Variants in TBCD observed in about 807,000 individuals in gnomAD.
TBCD encodes tubulin-specific chaperone D.
TBCD carries 105 observed loss-of-function variants against 169.3 expected under a neutral mutation model. The ratio of observed to expected loss-of-function variants is 0.62; its 90% CI spans 0.53 to 0.73. The LOEUF (loss-of-function observed/expected upper bound fraction) is 0.73. Ranked by LOEUF, TBCD falls within the 30% of genes least tolerant of loss-of-function variation. The probability of loss-of-function intolerance (pLI) is 0.00; values close to 1 mark genes in which losing one functional copy is unlikely to be tolerated. For missense variants in TBCD, 1,444 were observed against 1,600.1 expected (o/e 0.90, Z 1.66); for synonymous variants, 700 against 643.9 (o/e 1.09, Z -1.32).
Position 82,766,977 on chromosome 17 carries a change from C to G in TBCD, c.435+609C>G, listed in dbSNP as rs2048046527. Among the ~76,000 whole-genome samples the G allele has an allele frequency of 2.6e-5, 4 of 152,326 alleles. No individual in the cohort carries two copies. The South Asian group carries it at 8.3e-4, about 32-fold the overall frequency. ...CACTGGGGTCTGGCCACATGGACAC[C>G]TCTGCCTGGCACGAAACGAAATTCC... On this transcript the variant is annotated intron_variant, in intron 4 of 38. Coordinates refer to ENST00000355528, the MANE Select transcript of TBCD (RefSeq NM_005993.5).
At chr17:82,818,374 G>A (rs1248213735) in intron 13 of TBCD, among the ~76,000 whole-genome samples, 1 of 152,194 alleles carries the variant, frequency 6.6e-6, no homozygotes, top group East Asian at 1.9e-4. Context: ...GACTCAGGAG[G>A]TGACAGGGCT....
intron 13 of TBCD, among the ~76,000 whole-genome samples, chr17:82,843,652 G>A (rs1334780534): frequency 6.9e-6 from 1 of 145,720 alleles, no homozygotes; most frequent in Non-Finnish European, 1.5e-5. Context: ...TCGTCTTGCT[G>A]CATTTCAGGT....
intron 34 of TBCD, chr17:82,932,938 T>C (rs145998648): frequency 3.6e-4 from 217 of 598,506 alleles, no homozygotes; most frequent in African/African-American, 3.4e-3. Context: ...TAATGACATA[T>C]TATGACTGTA....
chr17:82,794,255 A>AG (rs35699085), intron 7 of TBCD, among the ~76,000 whole-genome samples: 31 of 140,688 alleles, frequency 2.2e-4, no homozygotes, highest in African/African-American at 2.9e-4. Context: ...AACATGCCCC[A>AG]GGGGGGGGAA....
At chr17:82,857,761 T>A (rs76839112) in intron 13 of TBCD, among the ~76,000 whole-genome samples, 68 of 149,052 alleles carry the variant, frequency 4.6e-4, no homozygotes, top group Admixed American at 1.9e-3. Flanking sequence ...TTTTTTTTTT[T>A]AATTTAATTT....
Position 82,831,150 on chromosome 17 carries a change from G to C in TBCD, c.1318+16216G>C, listed in dbSNP as rs138391103. On this transcript the variant is annotated intron_variant, in intron 13 of 38. Transcript: ENST00000355528. This position sits in a 1 kb window ranked among gnomAD's most constrained non-coding sequence, Gnocchi z 4.6. ...TTCCCAGTGCGCTGGAGGCTGCCTTGTTGGAGAGGTCGTACAGGCCTTCGC... is the reference window on the plus strand; with the variant it reads ...TTCCCAGTGCGCTGGAGGCTGCCTTCTTGGAGAGGTCGTACAGGCCTTCGC... 1,240 of 1,614,148 alleles carry C rather than the reference G, an allele frequency of 7.7e-4. 32 individuals are homozygous for C. In the East Asian group the frequency reaches 0.021, roughly 27 times the overall value.
intron 5 of TBCD, 149 bp downstream of exon 5, chr17:82,768,715 T>G: frequency 1.1e-6 from 1 of 893,672 alleles, no homozygotes; most frequent in Middle Eastern, 3.4e-4. Context: ...ATAACTTATT[T>G]TGAAATTGTG....
intron 13 of TBCD, among the ~76,000 whole-genome samples, chr17:82,854,670 G>T (rs185939468): frequency 1.7e-4 from 26 of 152,326 alleles, no homozygotes; most frequent in Non-Finnish European, 3.1e-4. Context: ...TCAGACTGCT[G>T]GGGGGAGCTG....
intron 23 of TBCD, chr17:82,913,887 G>A (rs974266417): frequency 1.3e-5 from 2 of 152,282 alleles, no homozygotes; most frequent in Non-Finnish European, 2.9e-5. Context: ...GGAAACCATG[G>A]AAAAACCGCA....
rs768267548 is a variant in TBCD at position 82,781,662 on chromosome 17, C to T, written c.712C>T (p.Arg238Cys). 167 of 1,613,642 alleles carry T rather than the reference C, an allele frequency of 1.0e-4. No homozygotes were observed. The highest frequency in any genetic ancestry group is 1.3e-4 in the Non-Finnish European group (150 of 1,179,850). Residue 238 changes from arginine (R) to cysteine (C), a missense_variant, in exon 7 of 39, where the codon CGT becomes TGT. Coordinates refer to ENST00000355528, the MANE Select transcript of TBCD (RefSeq NM_005993.5). ...FLDWSLCNLA[R>C]SSFQTMQGVI... ...GGACTGGAGCCTGTGCAATCTGGCCCGTTCCTCCTTCCAGACCATGCAGGG... is the reference window on the plus strand; with the variant it reads ...GGACTGGAGCCTGTGCAATCTGGCCTGTTCCTCCTTCCAGACCATGCAGGG...
At chr17:82,872,150 C>T (rs2057616189) in intron 14 of TBCD, among the ~76,000 whole-genome samples, 1 of 152,242 alleles carries the variant, frequency 6.6e-6, no homozygotes, top group Admixed American at 6.5e-5. Flanking sequence ...CTGAGAGGAG[C>T]CGAGGGTCCT....
chr17:82,899,374 C>A (rs2059738085), intron 17 of TBCD, among the ~76,000 whole-genome samples: 1 of 106,268 alleles, frequency 9.4e-6, no homozygotes, highest in South Asian at 3.0e-4. Flanking sequence ...GTCCTCAGCG[C>A]ACGTGTCCTC....
At position 82,903,146 on chromosome 17, in the gene TBCD, C is replaced by T. The variant is rs921335202; in HGVS notation, c.1731-259C>T. 3.3e-5 allele frequency among the ~76,000 whole-genome samples: 5 copies of T among 152,098 alleles called. No individual in the cohort carries two copies. Among genetic ancestry groups the T allele is most frequent in the African/African-American group, 1.2e-4 (5 of 41,398 alleles). ...GGTGGGGAGGCCGGACACCCAATTG[C>T]CACCTGGCCCTGAGAAGGAAAGGCA... On this transcript the variant is annotated intron_variant, in intron 18 of 38. Coordinates refer to ENST00000355528, the MANE Select transcript of TBCD (RefSeq NM_005993.5). This position sits in a 1 kb window ranked among gnomAD's most constrained non-coding sequence, Gnocchi z 4.8.
chr17:82,890,908 G>C lies in TBCD; in HGVS notation c.1563+1211G>C, dbSNP rs1447431348. Among the ~76,000 whole-genome samples, 1 of 152,212 alleles carries C rather than the reference G, an allele frequency of 6.6e-6. No homozygotes were observed. The highest frequency in any genetic ancestry group is 1.5e-5 in the Non-Finnish European group (1 of 68,038). On this transcript the variant is annotated intron_variant, in intron 16 of 38. Transcript: ENST00000355528. The surrounding 1 kb of genome is among the most constrained non-coding windows in gnomAD (Gnocchi z 5.3). ...AGAGTGTGGCTGCTGTGAGGAAGAA[G>C]GAGCTTGTTGGAAACCACTTAGCTG... is the stretch of plus-strand genomic sequence containing the variant.
At chr17:82,791,445 G>A (rs1382021505) in intron 7 of TBCD, among the ~76,000 whole-genome samples, 2 of 152,124 alleles carry the variant, frequency 1.3e-5, no homozygotes, top group African/African-American at 4.8e-5. Flanking sequence ...TCACTTTTGC[G>A]AGCTTTTGCT....
rs113137953 is a variant in TBCD, at chr17:82,781,483, C to T, written c.639-106C>T. ...GAGCTGGCATCTTGGTGTAAGGGTG[C>T]GTGAGGTGGGAGGGCCTGGGGAGGT... On this transcript the variant is annotated intron_variant, in intron 6 of 38. Transcript: ENST00000355528. The T allele has an allele frequency of 4.0e-4, 556 of 1,401,694 alleles. 3 individuals carry two copies. The highest frequency in any genetic ancestry group is 3.2e-3 in the African/African-American group (212 of 65,408). The allele number at this position is 1,401,694 out of a possible 1,614,324, so 86.8% of individuals were successfully genotyped here.
intron 13 of TBCD, among the ~76,000 whole-genome samples, chr17:82,817,986 A>G (rs2052067793): frequency 6.6e-6 from 1 of 152,140 alleles, no homozygotes; most frequent in African/African-American, 2.4e-5. Flanking sequence ...GATGGAATGA[A>G]GTCCCTGCCT....
At chr17:82,786,230 C>T (rs2049309235) in intron 7 of TBCD, among the ~76,000 whole-genome samples, 1 of 152,024 alleles carries the variant, frequency 6.6e-6, no homozygotes, top group African/African-American at 2.4e-5. Context: ...CTCTAGGATT[C>T]CCTCATCCTT....
chr17:82,852,248 G>C (rs1417599426), intron 13 of TBCD, among the ~76,000 whole-genome samples: 1 of 151,436 alleles, frequency 6.6e-6, no homozygotes, highest in South Asian at 2.1e-4. Flanking sequence ...GTGGTCCTCT[G>C]TGGTGGCTCC....
Sources: allele counts gnomAD v4.1 joint callset (sites outside exome capture counted in the v4.1 genomes callset), GRCh38; gene constraint gnomAD v4.1.1; non-coding constraint Gnocchi (gnomAD v3.1); transcripts MANE v1.5; gene names NCBI Gene and HGNC (gene_info 2026-07-23, HGNC 2026-07-21).